NRG1: variants seen among roughly 807,000 people sequenced by gnomAD.
The protein encoded by NRG1 is pro-neuregulin-1, membrane-bound isoform.
In NRG1, 18 loss-of-function variants were observed where a neutral mutation model predicts 63.8. That is an observed-to-expected ratio of 0.28 (90% confidence interval 0.19 to 0.42). The LOEUF is 0.42. NRG1 is among the 10% of genes least tolerant of loss of function. NRG1 has a pLI of 1.00. For missense variants in NRG1, 762 were observed against 814.7 expected, an observed-to-expected ratio of 0.94 and a Z score of 0.79; for synonymous variants, 302 against 301.3, an observed-to-expected ratio of 1.00 and a Z score of -0.02.
chr8:32,195,906 A>T (rs1434319659), intron 1 of NRG1, among the ~76,000 whole-genome samples: 4 of 152,176 alleles, frequency 2.6e-5, no homozygotes, highest in African/African-American at 9.7e-5. Context: ...GGAATGACTC[A>T]GTGATATAGA....
chr8:32,571,081 G>C (rs1315378965), intron 1 of NRG1, among the ~76,000 whole-genome samples: 1 of 152,154 alleles, frequency 6.6e-6, no homozygotes, highest in East Asian at 1.9e-4. Context: ...GGAAAGGTGG[G>C]TTAAGAGGAT....
chr8:32,581,474 C>A (rs749787943), intron 1 of NRG1, among the ~76,000 whole-genome samples: 3 of 152,174 alleles, frequency 2.0e-5, no homozygotes, highest in Admixed American at 6.5e-5. Context: ...TTTGCTCATT[C>A]GTTCTTCCAT....
intron 1 of NRG1, among the ~76,000 whole-genome samples, chr8:31,779,953 T>C (rs1819518142): frequency 6.6e-6 from 1 of 152,170 alleles, no homozygotes; most frequent in South Asian, 2.1e-4. Flanking sequence ...TTGGAGAGGA[T>C]TACAACATAA....
In NRG1 at chr8:32,217,573, C is replaced by T. The variant is rs574470009; in HGVS notation, c.38-378255C>T. 2.0e-5 allele frequency among the ~76,000 whole-genome samples: 3 copies of T among 152,198 alleles called. No homozygotes were observed. The South Asian group carries it at 6.2e-4, about 32-fold the overall frequency. Reference sequence around the variant, plus strand: ...GCCATCCTTTTTGAGTTAAAATACTCTACATTTTTAAACAAATAAATAAAA... The same window carrying T: ...GCCATCCTTTTTGAGTTAAAATACTTTACATTTTTAAACAAATAAATAAAA... On this transcript the variant is annotated intron_variant, in intron 1 of 10. Transcript: ENST00000519301.
intron 1 of NRG1, among the ~76,000 whole-genome samples, chr8:32,190,463 G>A (rs80253167): frequency 0.015 from 2,294 of 152,066 alleles, 28 homozygotes; most frequent in South Asian, 0.043. Context: ...TCATCTTTCC[G>A]GTTTTACCCA....
At chr8:32,278,049 C>A (rs1190423615) in intron 1 of NRG1, among the ~76,000 whole-genome samples, 2 of 152,206 alleles carry the variant, frequency 1.3e-5, no homozygotes. Context: ...ATTTCCAGCT[C>A]ACTCCCACTT....
intron 1 of NRG1, among the ~76,000 whole-genome samples, chr8:32,141,105 C>T (rs1457678050): frequency 1.3e-5 from 2 of 151,908 alleles, no homozygotes; most frequent in Non-Finnish European, 2.9e-5. Flanking sequence ...GTGTATTTTC[C>T]TTCTCATCTA....
At chr8:32,718,802 A>G (rs1819915099) in intron 5 of NRG1, among the ~76,000 whole-genome samples, 1 of 152,158 alleles carries the variant, frequency 6.6e-6, no homozygotes, top group Non-Finnish European at 1.5e-5. Flanking sequence ...CTTTTAATAT[A>G]GTTCCCATTC....
chr8:32,436,204 G>C (rs896264370), intron 1 of NRG1, among the ~76,000 whole-genome samples: 3 of 152,122 alleles, frequency 2.0e-5, no homozygotes, highest in African/African-American at 7.2e-5. Context: ...AAGCAAAAGG[G>C]AAAACACCTT....
At chr8:32,415,318 G>A (rs1815712641) in intron 1 of NRG1, among the ~76,000 whole-genome samples, 1 of 140,284 alleles carries the variant, frequency 7.1e-6, no homozygotes, top group Non-Finnish European at 1.5e-5. Flanking sequence ...TGAGGCAGGA[G>A]AATTGCTTGA....
intron 5 of NRG1, among the ~76,000 whole-genome samples, chr8:32,650,360 G>C (rs1854752979): frequency 6.6e-6 from 1 of 152,142 alleles, no homozygotes; most frequent in East Asian, 1.9e-4. Context: ...GATAAGCCTA[G>C]AGAAGCAGTC....
chr8:31,655,762 TG>T (rs1805374765), intron 1 of NRG1, among the ~76,000 whole-genome samples: 1 of 152,158 alleles, frequency 6.6e-6, no homozygotes, highest in Admixed American at 6.5e-5. Context: ...TGAGACTGGA[TG>T]TGTGCCTGGA....
At chr8:32,399,011 C>T (rs1249774455) in intron 1 of NRG1, among the ~76,000 whole-genome samples, 1 of 151,822 alleles carries the variant, frequency 6.6e-6, no homozygotes, top group Non-Finnish European at 1.5e-5. Flanking sequence ...TTATTTTGTA[C>T]GAATGTACAA....
rs375394852 is a variant in NRG1 at position 32,375,662 on chromosome 8, T to C, written c.38-220166T>C. 2.6e-5 allele frequency among the ~76,000 whole-genome samples: 4 copies of C among 152,280 alleles called. No individual in the cohort carries two copies. The East Asian group carries it at 7.7e-4, about 29-fold the overall frequency. On this transcript the variant is annotated intron_variant, in intron 1 of 10. Coordinates refer to the NRG1 transcript ENST00000519301. ...TGCCTTTGAACATCTGGAAAAATCT[T>C]CTAAAACTCTTCCTTCTCAAGAAGT...
intron 1 of NRG1, among the ~76,000 whole-genome samples, chr8:32,259,645 C>T (rs759743024): frequency 6.6e-6 from 1 of 152,182 alleles, no homozygotes; most frequent in Middle Eastern, 3.2e-3. Flanking sequence ...TACCCCTCAA[C>T]ATTGTTTTAG....
intron 1 of NRG1, among the ~76,000 whole-genome samples, chr8:32,094,298 A>AAGT (rs1163240699): frequency 6.6e-6 from 1 of 152,120 alleles, no homozygotes; most frequent in Non-Finnish European, 1.5e-5. Flanking sequence ...AAAGAAGAAG[A>AAGT]AGTAAGCGAC....
intron 1 of NRG1, among the ~76,000 whole-genome samples, chr8:32,223,463 A>T (rs1034708713): frequency 6.6e-6 from 1 of 152,124 alleles, no homozygotes; most frequent in African/African-American, 2.4e-5. Context: ...TGTTTCTATG[A>T]CCTTGGGTAA....
At chr8:32,667,270 T>G (rs898592174) in intron 5 of NRG1, among the ~76,000 whole-genome samples, 3 of 152,244 alleles carry the variant, frequency 2.0e-5, no homozygotes, top group African/African-American at 7.2e-5. Context: ...TATAATCTTA[T>G]GGGACCACTG....
intron 1 of NRG1, among the ~76,000 whole-genome samples, chr8:32,265,177 A>T (rs937909899): frequency 6.6e-6 from 1 of 151,942 alleles, no homozygotes; most frequent in African/African-American, 2.4e-5. Context: ...CTACAGAAAA[A>T]ATTTTAAATT....
Sources: gnomAD v4.1 joint callset for allele counts (sites outside exome capture counted in the v4.1 genomes callset) on GRCh38, gnomAD v4.1.1 for gene constraint, MANE v1.5 for transcripts, NCBI Gene and HGNC (gene_info 2026-07-23, HGNC 2026-07-21) for gene names.